The following CAST variants were observed in gnomAD, a reference collection of about 807,000 sequenced individuals.
CAST encodes calpastatin, also known as MIR583 host.
A neutral mutation model predicts 119.6 loss-of-function variants in CAST; 76 were observed. That is an observed-to-expected ratio of 0.64 (90% CI 0.53 to 0.77). The LOEUF is 0.77. CAST is among the 30% of genes least tolerant of loss of function. CAST has a pLI of 0.00. For synonymous variants in CAST, 319 were observed against 331.6 expected (o/e 0.96, Z 0.41); for missense variants, 953 against 946.5 (o/e 1.01, Z -0.09).
At chr5:96,618,552 G>C (rs779209810) in intron 1 of CAST, among the ~76,000 whole-genome samples, 4 of 152,240 alleles carry the variant, frequency 2.6e-5, no homozygotes, top group African/African-American at 9.6e-5. Context: ...CATGGCGCTC[G>C]CGAGCTAGCG....
At chr5:96,241,588 A>G in the CAST span, among the ~76,000 whole-genome samples, 1 of 146,402 alleles carries the variant, frequency 6.8e-6, no homozygotes. Context: ...CAGTAATGGG[A>G]TGGCTGGGTC....
the CAST span, among the ~76,000 whole-genome samples, chr5:96,113,961 T>C: frequency 6.6e-6 from 1 of 152,240 alleles, no homozygotes; most frequent in Non-Finnish European, 1.5e-5. Context: ...TTTGTCATCA[T>C]CAGTCCCTCT....
At chr5:96,232,638 TA>T in the CAST span, among the ~76,000 whole-genome samples, 63 of 152,108 alleles carry the variant, frequency 4.1e-4, 1 homozygote, top group African/African-American at 1.5e-3. Flanking sequence ...AATGCAATTT[TA>T]AAAAGAACAA....
chr5:96,254,117 T>A, the CAST span, among the ~76,000 whole-genome samples: 2 of 152,096 alleles, frequency 1.3e-5, no homozygotes, highest in Admixed American at 1.3e-4. Flanking sequence ...TGTTAATGGA[T>A]TTTAAGTATT....
At chr5:95,977,703 T>C in the CAST span, among the ~76,000 whole-genome samples, 21 of 152,106 alleles carry the variant, frequency 1.4e-4, no homozygotes, top group African/African-American at 5.1e-4. Context: ...GTTAAATAGG[T>C]AAACTCATGT....
chr5:96,663,299 T>A, intron 1 of CAST: 1 of 691,658 alleles, frequency 1.4e-6, no homozygotes, highest in Non-Finnish European at 2.6e-6. Flanking sequence ...GCGGACCGGG[T>A]GCGACCTCCT....
chr5:96,619,683 G>A (rs560782594), intron 1 of CAST, among the ~76,000 whole-genome samples: 3 of 152,262 alleles, frequency 2.0e-5, no homozygotes, highest in Non-Finnish European at 4.4e-5. Flanking sequence ...CCAGAAGGAA[G>A]CAACTCCGAA....
chr5:96,060,041 G>A, the CAST span, among the ~76,000 whole-genome samples: 2 of 152,100 alleles, frequency 1.3e-5, no homozygotes, highest in African/African-American at 4.8e-5. Flanking sequence ...CACAATTATA[G>A]CAGCTGTGTC....
the CAST span, among the ~76,000 whole-genome samples, chr5:96,284,441 G>T: frequency 1.2e-4 from 19 of 152,246 alleles, no homozygotes; most frequent in South Asian, 4.0e-3. Flanking sequence ...CCAGCATGGG[G>T]TTAACTATTA....
At chr5:96,594,675 C>T (rs569263638) in intron 1 of CAST, among the ~76,000 whole-genome samples, 1 of 152,258 alleles carries the variant, frequency 6.6e-6, no homozygotes, top group South Asian at 2.1e-4. Context: ...CACCTTTTAT[C>T]TGCTTTTTCA....
the CAST span, among the ~76,000 whole-genome samples, chr5:96,017,464 T>C: frequency 6.6e-6 from 1 of 152,236 alleles, no homozygotes; most frequent in Admixed American, 6.5e-5. Context: ...GTAAGGGGTT[T>C]TCCTCAGACC....
the CAST span, among the ~76,000 whole-genome samples, chr5:96,416,407 GT>G: frequency 6.6e-6 from 1 of 152,222 alleles, no homozygotes; most frequent in East Asian, 1.9e-4. Flanking sequence ...CAAATTATAT[GT>G]AAAACACTTA....
intron 1 of CAST, among the ~76,000 whole-genome samples, chr5:96,568,588 A>G (rs866977680): frequency 7.0e-6 from 1 of 142,854 alleles, no homozygotes; most frequent in Non-Finnish European, 1.5e-5. Flanking sequence ...AAAAAAAAAA[A>G]GAAGATAAGG....
At chr5:96,587,188 A>G (rs959013179) in intron 1 of CAST, among the ~76,000 whole-genome samples, 2 of 152,240 alleles carry the variant, frequency 1.3e-5, no homozygotes, top group Non-Finnish European at 2.9e-5. Context: ...AAAGGTTTGT[A>G]CAGCACATTT....
chr5:96,625,696 C>A (rs1450605318), intron 1 of CAST, among the ~76,000 whole-genome samples: 1 of 152,134 alleles, frequency 6.6e-6, no homozygotes, highest in Non-Finnish European at 1.5e-5. Context: ...TCTTTTTAGT[C>A]CCTTTTGGGT....
chr5:96,698,132 C>T (rs986586230), intron 3 of CAST, among the ~76,000 whole-genome samples: 2 of 152,194 alleles, frequency 1.3e-5, no homozygotes, highest in African/African-American at 4.8e-5. Context: ...AGGTTTAGTA[C>T]ATTGTGGAAA....
the CAST span, among the ~76,000 whole-genome samples, chr5:96,187,954 G>A: frequency 6.6e-6 from 1 of 152,108 alleles, no homozygotes. Context: ...TAGGATTCTG[G>A]GAGGGGACTT....
At chr5:96,617,678 G>A (rs1747492218) in intron 1 of CAST, among the ~76,000 whole-genome samples, 1 of 151,380 alleles carries the variant, frequency 6.6e-6, no homozygotes, top group Non-Finnish European at 1.5e-5. Context: ...AGTAGTCCCA[G>A]CTACTCGAGA....
At chr5:96,487,174 G>A in the CAST span, among the ~76,000 whole-genome samples, 1 of 152,060 alleles carries the variant, frequency 6.6e-6, no homozygotes, top group Non-Finnish European at 1.5e-5. Context: ...ACATATTACA[G>A]GTTGTGGTTG....
Sources: gnomAD v4.1 joint callset for allele counts (sites outside exome capture counted in the v4.1 genomes callset) on GRCh38, gnomAD v4.1.1 for gene constraint, MANE v1.5 for transcripts, NCBI Gene and HGNC (gene_info 2026-07-23, HGNC 2026-07-21) for gene names.